Variants in APPL2 observed in about 807,000 individuals in gnomAD.
The protein encoded by APPL2 is adaptor protein, phosphotyrosine interacting with PH domain and leucine zipper 2, also known as DCC-interacting protein 13-beta.
In APPL2, 84 loss-of-function variants were observed where a neutral mutation model predicts 92.7. The observed-to-expected ratio is 0.91, with a 90% CI of 0.76 to 1.09. The LOEUF (loss-of-function observed/expected upper bound fraction) is 1.09, where lower values mean the gene tolerates loss of function less well. Among genes scored for constraint, APPL2 ranks in the 50% least tolerant of loss-of-function variants. APPL2 has a pLI of 0.00. For synonymous variants in APPL2, 291 were observed against 291.0 expected, an observed-to-expected ratio of 1.00 and a Z score of 0.00; for missense variants, 736 against 824.5, an observed-to-expected ratio of 0.89 and a Z score of 1.31.
At chr12:105,222,242 C>G (rs1292456310) in intron 2 of APPL2, among the ~76,000 whole-genome samples, 1 of 152,076 alleles carries the variant, frequency 6.6e-6, no homozygotes, top group Admixed American at 6.5e-5. Context: ...CCAAGGAACT[C>G]AGGCAGGAGT....
At chr12:105,222,937 G>A (rs953871786) in intron 2 of APPL2, among the ~76,000 whole-genome samples, 1 of 152,208 alleles carries the variant, frequency 6.6e-6, no homozygotes, top group Non-Finnish European at 1.5e-5. Flanking sequence ...AGGGCAACAG[G>A]TTAATAAAGA....
rs201926936 is a variant in APPL2, at chr12:105,199,365, G to C, written c.863+8C>G. On this transcript the variant is annotated splice_region_variant and intron_variant, in intron 10 of 20. Coordinates refer to ENST00000258530, the MANE Select transcript of APPL2 (RefSeq NM_018171.5). ...TTCAGAAAAAGAGGCAGACGGTGGC[G>C]TTCTCACTTTCTAAGATTAAGGTAA... 1 of 1,605,688 alleles carries C rather than the reference G, an allele frequency of 6.2e-7. No homozygotes were observed. Among genetic ancestry groups the C allele is most frequent in the South Asian group, 1.1e-5 (1 of 89,702 alleles).
intron 8 of APPL2, 42 bp downstream of exon 8, chr12:105,207,019 C>T (rs746909614): frequency 1.9e-6 from 3 of 1,597,040 alleles, no homozygotes; most frequent in Non-Finnish European, 2.6e-6. Context: ...CAGAACGCCA[C>T]AGCTAGCTTA....
intron 14 of APPL2, among the ~76,000 whole-genome samples, chr12:105,191,778 G>A (rs12228093): frequency 0.17 from 25,913 of 152,066 alleles, 2,488 homozygotes; most frequent in East Asian, 0.25. Flanking sequence ...TCTCGGTTTC[G>A]GCTGGTGCCA....
chr12:105,179,947 C>A (rs996217985), intron 17 of APPL2, among the ~76,000 whole-genome samples: 1 of 152,152 alleles, frequency 6.6e-6, no homozygotes, highest in African/African-American at 2.4e-5. Context: ...ATGATAGTTT[C>A]TTTTGCTGTG....
At chr12:105,223,362 T>C (rs1458125352) in intron 2 of APPL2, among the ~76,000 whole-genome samples, 1 of 152,166 alleles carries the variant, frequency 6.6e-6, no homozygotes, top group East Asian at 1.9e-4. Flanking sequence ...TAAAGTGATC[T>C]TGCCCAGGGA....
At chr12:105,183,702 T>G (rs1266292979) in intron 17 of APPL2, among the ~76,000 whole-genome samples, 1 of 152,222 alleles carries the variant, frequency 6.6e-6, no homozygotes, top group Non-Finnish European at 1.5e-5. Flanking sequence ...TTTTCCTTCA[T>G]TTCAACCTTG....
intron 17 of APPL2, among the ~76,000 whole-genome samples, chr12:105,186,321 C>T (rs571806972): frequency 2.6e-5 from 4 of 152,138 alleles, no homozygotes; most frequent in South Asian, 2.1e-4. Flanking sequence ...GATTTTGGAG[C>T]ATTTGAGATT....
At chr12:105,208,053 C>T (rs1888892194) in intron 6 of APPL2, 24 bp from the exon 7 acceptor site, 25 of 1,613,872 alleles carry the variant, frequency 1.5e-5, no homozygotes, top group Non-Finnish European at 2.1e-5. Context: ...GACATCTGAA[C>T]ACCCAGGAGG....
In APPL2 at chr12:105,174,318, G is replaced by A. The variant is rs1346127797; in HGVS notation, c.1991C>T (p.Ala664Val). The change falls in exon 21 of 21, where the codon GCA (alanine) becomes GTA (valine). Residue 664 changes from alanine to valine, a missense_variant. Transcript: ENST00000258530. ...TCCCCCACAGGCGCAAGTGAGTTATGCTTCGGATTCTGCGCCTCTATGTTC... is the reference window on the plus strand; with the variant it reads ...TCCCCCACAGGCGCAAGTGAGTTATACTTCGGATTCTGCGCCTCTATGTTC... ...PNEHRGAESE[A>V] is the part of the protein sequence containing the mutation. 5.6e-6 allele frequency: 9 copies of A among 1,613,668 alleles called. No individual in the cohort carries two copies. Among genetic ancestry groups the A allele is most frequent in the Non-Finnish European group, 7.6e-6 (9 of 1,179,804 alleles).
chr12:105,215,472 C>T (rs1046751017), intron 4 of APPL2, among the ~76,000 whole-genome samples: 6 of 152,230 alleles, frequency 3.9e-5, no homozygotes, highest in East Asian at 1.9e-4. Flanking sequence ...AATCATATGA[C>T]GTGTTCACTT....
chr12:105,196,716 T>C (rs1471548441), intron 11 of APPL2, among the ~76,000 whole-genome samples: 2 of 152,142 alleles, frequency 1.3e-5, no homozygotes, highest in African/African-American at 4.8e-5. Context: ...GCTGGGATTA[T>C]AGGCGTGAGC....
intron 5 of APPL2, among the ~76,000 whole-genome samples, chr12:105,209,146 T>A (rs1391357466): frequency 6.6e-6 from 1 of 152,140 alleles, no homozygotes; most frequent in African/African-American, 2.4e-5. Context: ...GTAGTTTCCT[T>A]AATATCTCTT....
chr12:105,180,466 T>C (rs924790744), intron 17 of APPL2, among the ~76,000 whole-genome samples: 2 of 152,242 alleles, frequency 1.3e-5, no homozygotes, highest in African/African-American at 2.4e-5. Flanking sequence ...CGGGCTCTTT[T>C]TTGGTTCCAT....
intron 17 of APPL2, among the ~76,000 whole-genome samples, chr12:105,188,039 G>A (rs1369233229): frequency 1.3e-5 from 2 of 151,572 alleles, no homozygotes; most frequent in East Asian, 3.8e-4. Flanking sequence ...AATAAGTCTA[G>A]TGTGATGGCA....
Position 105,228,576 on chromosome 12 carries a change from T to C in APPL2, c.153+549A>G, listed in dbSNP as rs189987711. Among the ~76,000 whole-genome samples the C allele has an allele frequency of 1.8e-4, 28 of 152,342 alleles. No individual in the cohort carries two copies. In the East Asian group the frequency reaches 5.0e-3, roughly 27 times the overall value. On this transcript the variant is annotated intron_variant, in intron 2 of 20. Coordinates refer to ENST00000258530, the MANE Select transcript of APPL2 (RefSeq NM_018171.5). ...ATAAATCTTCTCTTAGAAAGCAACA[T>C]ACATGGGCACTTCTTGACATTAAAA...
chr12:105,176,862 C>T lies in APPL2; in HGVS notation c.1812+14G>A. On this transcript the variant is annotated intron_variant, in intron 19 of 20. Coordinates refer to ENST00000258530, the MANE Select transcript of APPL2 (RefSeq NM_018171.5). ...GGACTGGGATATTATGGGATCTTCA[C>T]ATGAAAAAGAGACCTTTTCGCCTTC... 1 of 1,612,428 alleles carries T rather than the reference C, an allele frequency of 6.2e-7. No homozygotes were observed. The highest frequency in any genetic ancestry group is 1.1e-5 in the South Asian group (1 of 90,864).
At chr12:105,225,707 G>GT (rs1181542342) in intron 2 of APPL2, among the ~76,000 whole-genome samples, 1 of 152,186 alleles carries the variant, frequency 6.6e-6, no homozygotes, top group Admixed American at 6.5e-5. Flanking sequence ...AGGGACTACT[G>GT]TAAGATGCTG....
At chr12:105,225,485 T>C (rs1462559731) in intron 2 of APPL2, among the ~76,000 whole-genome samples, 3 of 152,224 alleles carry the variant, frequency 2.0e-5, no homozygotes, top group Non-Finnish European at 2.9e-5. Context: ...AAAATAAATA[T>C]TAAATGTGTT....
Sources: allele counts gnomAD v4.1 joint callset (sites outside exome capture counted in the v4.1 genomes callset), GRCh38; gene constraint gnomAD v4.1.1; transcripts MANE v1.5; gene names NCBI Gene and HGNC (gene_info 2026-07-23, HGNC 2026-07-21).